The following CSF2RA variants were observed in gnomAD, a reference collection of about 807,000 sequenced individuals.
CSF2RA encodes the protein granulocyte-macrophage colony-stimulating factor receptor subunit alpha.
In CSF2RA, 42 loss-of-function variants were observed where a neutral mutation model predicts 51.6. The ratio of observed to expected loss-of-function variants is 0.81; its 90% CI spans 0.64 to 1.05. The LOEUF (loss-of-function observed/expected upper bound fraction) is 1.05, where lower values mean the gene tolerates loss of function less well. Among genes scored for constraint, CSF2RA ranks in the 50% least tolerant of loss-of-function variants. The pLI is 0.00. For synonymous variants in CSF2RA, 222 were observed against 193.0 expected (o/e 1.15, Z -1.24); for missense variants, 530 against 501.1 (o/e 1.06, Z -0.55).
At chrX:1,274,506 G>A (rs1443784018) in intron 1 of CSF2RA, among the ~76,000 whole-genome samples, 2 of 151,110 alleles carry the variant, frequency 1.3e-5, no homozygotes, top group African/African-American at 4.8e-5. Flanking sequence ...TGTATTTTTA[G>A]TAGAGACGGG....
intron 1 of CSF2RA, among the ~76,000 whole-genome samples, chrX:1,269,509 C>G (rs28524958): frequency 0.9 from 136,516 of 151,828 alleles, 61,384 homozygotes; most frequent in Non-Finnish European, 0.92. Context: ...TGTAATCCCA[C>G]CTACTCAGGA....
chrX:1,296,525 G>C (rs28393211), intron 9 of CSF2RA, among the ~76,000 whole-genome samples: 6 of 15,138 alleles, frequency 4.0e-4, no homozygotes, highest in East Asian at 3.5e-3. Flanking sequence ...TGGCGGAACT[G>C]TACAGTCCCC....
At chrX:1,314,520 G>A (rs1204504510), downstream of CSF2RA, among the ~76,000 whole-genome samples, 103 of 106,898 alleles carry the variant, frequency 9.6e-4, 1 homozygote, top group African/African-American at 3.5e-3. Flanking sequence ...CACTGCACCT[G>A]CCCAATCCCA....
At chrX:1,270,821 C>T (rs1222720283) in intron 1 of CSF2RA, among the ~76,000 whole-genome samples, 8 of 149,676 alleles carry the variant, frequency 5.3e-5, no homozygotes, top group Admixed American at 4.7e-4. Context: ...GGGCGGATCA[C>T]CTGAGGTCAG....
At chrX:1,282,910 A>G in intron 3 of CSF2RA, 131 bp downstream of exon 3, 2 of 836,064 alleles carry the variant, frequency 2.4e-6, no homozygotes, top group South Asian at 1.3e-5. Context: ...AATAAGCACC[A>G]GCCAACCCAC....
the CSF2RA span, among the ~76,000 whole-genome samples, chrX:1,322,873 T>G: frequency 1.3e-5 from 2 of 151,982 alleles, no homozygotes; most frequent in East Asian, 3.9e-4. Flanking sequence ...CTCACGCCTG[T>G]AATCCCAGCA....
At chrX:1,288,408 G>C (rs1355423856) in intron 4 of CSF2RA, 111 bp from the exon 5 acceptor site, 1 of 1,188,590 alleles carries the variant, frequency 8.4e-7, no homozygotes, top group East Asian at 2.5e-5. Context: ...CTTGAACCTG[G>C]AAGGCGGAGG....
At chrX:1,277,841 G>C (rs1373785592) in intron 2 of CSF2RA, among the ~76,000 whole-genome samples, 2 of 149,818 alleles carry the variant, frequency 1.3e-5, no homozygotes, top group Non-Finnish European at 3.0e-5. Context: ...GCCAGGCATG[G>C]TGGTGCGTGC....
chrX:1,280,637 C>T (rs2089788690), intron 2 of CSF2RA, among the ~76,000 whole-genome samples: 1 of 150,520 alleles, frequency 6.6e-6, no homozygotes, highest in South Asian at 2.1e-4. Flanking sequence ...TCTTCCTCCT[C>T]CTTCTCCCCC....
chrX:1,317,001 C>T, the CSF2RA span, among the ~76,000 whole-genome samples: 1 of 152,176 alleles, frequency 6.6e-6, no homozygotes, highest in Admixed American at 6.6e-5. Context: ...GGCTGGAGTG[C>T]AGTGGCGCGA....
the CSF2RA span, among the ~76,000 whole-genome samples, chrX:1,320,009 C>T: frequency 1.9e-4 from 26 of 138,668 alleles, no homozygotes; most frequent in East Asian, 5.7e-3. Context: ...CATTCTCTTG[C>T]CTCAGCCTTC....
chrX:1,283,736 T>A (rs1187958516), intron 3 of CSF2RA, among the ~76,000 whole-genome samples: 6 of 151,488 alleles, frequency 4.0e-5, no homozygotes, highest in Admixed American at 6.6e-5. Flanking sequence ...CCCAGCTAAT[T>A]TTTTTGTATT....
At chrX:1,274,893 A>C in intron 2 of CSF2RA, 75 bp downstream of exon 2, 3 of 452,746 alleles carry the variant, frequency 6.6e-6, no homozygotes, top group South Asian at 3.1e-5. Flanking sequence ...AAAGAACTGA[A>C]ATGTTTTGCT....
downstream of CSF2RA, among the ~76,000 whole-genome samples, chrX:1,314,547 C>CG (rs1569514936): frequency 8.4e-5 from 4 of 47,822 alleles, no homozygotes; most frequent in African/African-American, 3.1e-4. Context: ...CTGCCCAATC[C>CG]CACTGCACCT....
At chrX:1,277,322 G>A (rs1243261498) in intron 2 of CSF2RA, among the ~76,000 whole-genome samples, 1 of 151,954 alleles carries the variant, frequency 6.6e-6, no homozygotes, top group Non-Finnish European at 1.5e-5. Context: ...GGGCGGCCGG[G>A]CGCTGTGGCT....
intron 11 of CSF2RA, among the ~76,000 whole-genome samples, 171 bp from the exon 12 acceptor site, chrX:1,305,275 C>T (rs1288878562): frequency 9.2e-5 from 14 of 152,010 alleles, no homozygotes. Context: ...GTGTGAGCCA[C>T]TGCACCCGGC....
downstream of CSF2RA, among the ~76,000 whole-genome samples, chrX:1,314,065 T>C (rs1362317544): frequency 6.6e-6 from 1 of 151,918 alleles, no homozygotes; most frequent in Non-Finnish European, 1.5e-5. Flanking sequence ...CCAGCAGAGA[T>C]AGGGCCTAGG....
chrX:1,313,304 C>T (rs1337524913), downstream of CSF2RA, among the ~76,000 whole-genome samples: 1 of 151,184 alleles, frequency 6.6e-6, no homozygotes, highest in African/African-American at 2.4e-5. Flanking sequence ...TGTGGTGGCA[C>T]ACGCCTGTAA....
rs1186949950 is a variant in CSF2RA at position 1,285,521 on chromosome X, C to G, written c.77-257C>G. The stretch of plus-strand genomic sequence containing the variant: ...CCAGCCTGACCAACATGGTGAAACC[C>G]CCATCTCTACTAAAAATACAAAAAT... On this transcript the variant is annotated intron_variant, in intron 3 of 12. Coordinates refer to ENST00000381529, the MANE Select transcript of CSF2RA (RefSeq NM_172245.4). The G allele has an allele frequency of 1.3e-5, 7 of 520,714 alleles. No homozygotes were observed. In the East Asian group the frequency reaches 2.5e-4, roughly 19 times the overall value. The allele number at this position is 520,714 out of a possible 1,614,324, so 32.3% of individuals were successfully genotyped here.
Sources: allele counts gnomAD v4.1 joint callset (sites outside exome capture counted in the v4.1 genomes callset), GRCh38; gene constraint gnomAD v4.1.1; transcripts MANE v1.5; gene names NCBI Gene and HGNC (gene_info 2026-07-23, HGNC 2026-07-21).